TBC1D30: variants seen among roughly 807,000 people sequenced by gnomAD.
TBC1D30 encodes the protein TBC1 domain family member 30, also known as TBC1 domain family, member 30.
Under a neutral mutation model 63.2 loss-of-function variants are expected in TBC1D30, and 31 were observed. The ratio of observed to expected loss-of-function variants is 0.49; its 90% CI spans 0.37 to 0.66. The LOEUF is 0.66. TBC1D30 is among the 30% of genes least tolerant of loss of function. The pLI is 0.00. For missense variants in TBC1D30, 810 were observed against 953.6 expected, an observed-to-expected ratio of 0.85 and a Z score of 1.98; for synonymous variants, 307 against 361.5, an observed-to-expected ratio of 0.85 and a Z score of 1.71.
chr12:64,876,539 T>C lies in TBC1D30; in HGVS notation c.*751T>C, dbSNP rs1002394926. ...CGCGCCACTGAGCTTTTCCTGAGGT[T>C]TGTGTTCGCCTCTCAAGGAGAGCTT... On this transcript the variant is annotated 3_prime_UTR_variant, in exon 12 of 12. Coordinates refer to ENST00000539867, the MANE Select transcript of TBC1D30 (RefSeq NM_015279.2). 2.3e-5 allele frequency: 7 copies of C among 308,788 alleles called. No individual in the cohort carries two copies. The highest frequency in any genetic ancestry group is 3.9e-5 in the Non-Finnish European group (6 of 155,246). The allele number at this position is 308,788 out of a possible 1,614,324, so 19.1% of individuals were successfully genotyped here. A position where few individuals can be genotyped will look rare whatever the true frequency, so the allele number is the denominator to read the frequency against.
chr12:64,808,960 T>TCTTTGGG (rs1256584912), intron 2 of TBC1D30, among the ~76,000 whole-genome samples: 3 of 152,206 alleles, frequency 2.0e-5, no homozygotes, highest in Non-Finnish European at 4.4e-5. Context: ...CATTCATCCA[T>TCTTTGGG]CTTTGGGCAC....
At chr12:64,770,474 C>G (rs1419545049) in intron 1 of TBC1D30, among the ~76,000 whole-genome samples, 1 of 152,184 alleles carries the variant, frequency 6.6e-6, no homozygotes, top group Non-Finnish European at 1.5e-5. Flanking sequence ...TCTCCTATTG[C>G]TGTCACCACT....
intron 1 of TBC1D30, among the ~76,000 whole-genome samples, chr12:64,784,528 T>TG (rs1394870725): frequency 6.6e-6 from 1 of 150,574 alleles, no homozygotes; most frequent in Non-Finnish European, 1.5e-5. Context: ...GAACCTCTAA[T>TG]GGGGGGCTAG....
chr12:64,836,474 A>G lies in TBC1D30; in HGVS notation c.595-16A>G. 1 of 1,530,190 alleles carries G rather than the reference A, an allele frequency of 6.5e-7. No homozygotes were observed. Among genetic ancestry groups the G allele is most frequent in the African/African-American group, 1.4e-5 (1 of 72,872 alleles). The allele number at this position is 1,530,190 out of a possible 1,614,324, so 94.8% of individuals were successfully genotyped here. A position where few individuals can be genotyped will look rare whatever the true frequency, so the allele number is the denominator to read the frequency against. Reference sequence around the variant, plus strand: ...TTTTTACAAAGCAGTCTTAAGCTTTATCTTTTTTTCTTTAGATTATGATTT... The same window carrying G: ...TTTTTACAAAGCAGTCTTAAGCTTTGTCTTTTTTTCTTTAGATTATGATTT... On this transcript the variant is annotated splice_polypyrimidine_tract_variant and intron_variant, in intron 5 of 11. Coordinates refer to ENST00000539867, the MANE Select transcript of TBC1D30 (RefSeq NM_015279.2).
At chr12:64,854,949 T>C (rs1032477237) in intron 8 of TBC1D30, among the ~76,000 whole-genome samples, 2 of 152,206 alleles carry the variant, frequency 1.3e-5, no homozygotes, top group African/African-American at 4.8e-5. Context: ...TTCTTTCAGA[T>C]TGAAGAACTC....
At chr12:64,817,107 G>A (rs1873588562) in intron 2 of TBC1D30, among the ~76,000 whole-genome samples, 1 of 152,192 alleles carries the variant, frequency 6.6e-6, no homozygotes, top group Admixed American at 6.5e-5. Context: ...CCAAGTGAGT[G>A]AGGGCACTAG....
At chr12:64,776,454 C>A (rs1871084052), upstream of TBC1D30, among the ~76,000 whole-genome samples, 1 of 152,092 alleles carries the variant, frequency 6.6e-6, no homozygotes, top group African/African-American at 2.4e-5. Context: ...GAAATACAAG[C>A]AACCATCATA....
At chr12:64,778,140 G>A (rs1871135091), upstream of TBC1D30, among the ~76,000 whole-genome samples, 1 of 152,144 alleles carries the variant, frequency 6.6e-6, no homozygotes, top group Admixed American at 6.5e-5. Flanking sequence ...AGTAGTGTAG[G>A]GTGAGAAAAG....
chr12:64,814,420 T>TA (rs1873402756), intron 2 of TBC1D30, among the ~76,000 whole-genome samples: 7 of 151,122 alleles, frequency 4.6e-5, no homozygotes, highest in East Asian at 3.9e-4. Flanking sequence ...TAGATAAAAT[T>TA]TAAAAAAAAA....
Position 64,875,168 on chromosome 12 carries a change from G to A in TBC1D30, c.1666G>A (p.Asp556Asn). 3 of 1,536,320 alleles carry A rather than the reference G, an allele frequency of 2.0e-6. No homozygotes were observed. The highest frequency in any genetic ancestry group is 1.7e-6 in the Non-Finnish European group (2 of 1,146,912). ...GGKISPVPYE[D>N]LKTKLNSPWR... ...GAAAATATCTCCTGTCCCCTACGAA[G>A]ACCTTAAGACGAAGCTCAACTCCCC... Residue 556 changes from aspartate to asparagine, a missense_variant, in exon 12 of 12, where the codon GAC becomes AAC. By Grantham distance (23) the Asp-to-Asn change is conservative. Transcript: ENST00000539867.
At chr12:64,794,561 C>T (rs1020203273) in intron 2 of TBC1D30, among the ~76,000 whole-genome samples, 1 of 152,010 alleles carries the variant, frequency 6.6e-6, no homozygotes, top group Non-Finnish European at 1.5e-5. Context: ...ATGTCAGCTT[C>T]CTGAGTAGCT....
chr12:64,818,474 C>T, intron 2 of TBC1D30: 1 of 891,256 alleles, frequency 1.1e-6, no homozygotes, highest in South Asian at 5.2e-5. Context: ...GTGCTGTTGC[C>T]AGGCTGGAAT....
intron 1 of TBC1D30, among the ~76,000 whole-genome samples, chr12:64,783,587 A>C (rs1414958237): frequency 6.6e-6 from 1 of 151,972 alleles, no homozygotes; most frequent in Non-Finnish European, 1.5e-5. Flanking sequence ...TCAAAGATGA[A>C]AGAGACCTGT....
At chr12:64,766,587 C>T (rs1246179590) in intron 1 of TBC1D30, among the ~76,000 whole-genome samples, 1 of 151,986 alleles carries the variant, frequency 6.6e-6, no homozygotes, top group African/African-American at 2.4e-5. Flanking sequence ...ATGGACAACT[C>T]GATAATAGTT....
At chr12:64,807,527 G>A (rs952484378) in intron 2 of TBC1D30, among the ~76,000 whole-genome samples, 1 of 152,094 alleles carries the variant, frequency 6.6e-6, no homozygotes, top group African/African-American at 2.4e-5. Context: ...GGGTAAGATG[G>A]TAAACTTTGT....
At chr12:64,860,010 T>C (rs1877643353) in intron 8 of TBC1D30, among the ~76,000 whole-genome samples, 1 of 151,198 alleles carries the variant, frequency 6.6e-6, no homozygotes, top group South Asian at 2.1e-4. Context: ...TACTAAAGAT[T>C]CTTCTTCTTT....
At chr12:64,780,672 T>C (rs1470216197) in exon 1 of TBC1D30, 1 of 847,800 alleles carries the variant, frequency 1.2e-6, no homozygotes, top group Admixed American at 6.2e-5. Context: ...CCCGGGCACC[T>C]CGGGGATCCA....
intron 8 of TBC1D30, among the ~76,000 whole-genome samples, chr12:64,864,119 TC>T (rs1248826048): frequency 6.6e-6 from 1 of 152,064 alleles, no homozygotes; most frequent in Non-Finnish European, 1.5e-5. Context: ...TTTTTTTTTT[TC>T]CTTTAAAAAC....
upstream of TBC1D30, among the ~76,000 whole-genome samples, chr12:64,822,656 G>A (rs116601150): frequency 0.022 from 3,194 of 146,218 alleles, 57 homozygotes; most frequent in Middle Eastern, 0.061. Context: ...GTGCCATCAT[G>A]CCCAGCTAAT....
Sources: gnomAD v4.1 joint callset for allele counts (sites outside exome capture counted in the v4.1 genomes callset) on GRCh38, gnomAD v4.1.1 for gene constraint, MANE v1.5 for transcripts, NCBI Gene and HGNC (gene_info 2026-07-23, HGNC 2026-07-21) for gene names.